RAB10: variants seen among roughly 807,000 people sequenced by gnomAD.
RAB10 encodes RAB10, member RAS oncogene family.
RAB10 carries 5 observed loss-of-function variants against 25.7 expected under a neutral mutation model. The observed-to-expected ratio is 0.19, with a 90% CI of 0.10 to 0.41. RAB10 has a LOEUF of 0.41. RAB10 is among the 10% of genes least tolerant of loss of function. RAB10 has a pLI of 1.00. For missense variants in RAB10, 103 were observed against 245.8 expected, an observed-to-expected ratio of 0.42 and a Z score of 3.89; for synonymous variants, 89 against 86.4, an observed-to-expected ratio of 1.03 and a Z score of -0.16.
At chr2:26,112,606 A>G (rs567338415) in intron 3 of RAB10, among the ~76,000 whole-genome samples, 2 of 152,270 alleles carry the variant, frequency 1.3e-5, no homozygotes, top group South Asian at 4.1e-4. Context: ...CCAGGTATCA[A>G]AAAGGAAAAT....
chr2:26,115,945 C>T (rs371530498), intron 3 of RAB10, among the ~76,000 whole-genome samples: 4 of 151,146 alleles, frequency 2.6e-5, no homozygotes, highest in African/African-American at 9.7e-5. Flanking sequence ...CTGCAGTCTC[C>T]GCCTCCCTGG....
chr2:26,044,120 A>T (rs1665945820), intron 1 of RAB10, among the ~76,000 whole-genome samples: 1 of 152,202 alleles, frequency 6.6e-6, no homozygotes, highest in Non-Finnish European at 1.5e-5. Flanking sequence ...ACACATTAAA[A>T]ATGGTTAAGA....
chr2:26,043,084 A>T (rs1274644574), intron 1 of RAB10, among the ~76,000 whole-genome samples: 1 of 152,326 alleles, frequency 6.6e-6, no homozygotes, highest in South Asian at 2.1e-4. Context: ...AAATTACCAT[A>T]TGATCTAGTG....
intron 1 of RAB10, 150 bp downstream of exon 1, chr2:26,034,885 GC>G: frequency 8.3e-7 from 1 of 1,208,552 alleles, no homozygotes; most frequent in Admixed American, 2.2e-5. Context: ...TCGGCATCGA[GC>G]TTACTGGGGC....
At chr2:26,112,013 A>ACT (rs1394009621) in intron 3 of RAB10, among the ~76,000 whole-genome samples, 14 of 152,166 alleles carry the variant, frequency 9.2e-5, no homozygotes, top group Non-Finnish European at 2.1e-4. Flanking sequence ...AAAATGCTAT[A>ACT]CTTGGGATTA....
chr2:26,095,601 C>T (rs369096950), intron 1 of RAB10, among the ~76,000 whole-genome samples: 13 of 149,704 alleles, frequency 8.7e-5, no homozygotes, highest in Admixed American at 6.7e-4. Context: ...AGCGAGACTC[C>T]GTCTCAAAAA....
At chr2:26,095,534 G>C (rs901856416) in intron 1 of RAB10, among the ~76,000 whole-genome samples, 6 of 152,038 alleles carry the variant, frequency 3.9e-5, no homozygotes, top group Non-Finnish European at 7.4e-5. Context: ...ATGAACCCGG[G>C]AGGCGGAGCT....
rs1665923562 is a variant in RAB10 at position 26,042,950 on chromosome 2, AAAC to A, written c.127+8216_127+8218del. Among the ~76,000 whole-genome samples, 3 of 152,234 alleles carry A rather than the reference AAAC, an allele frequency of 2.0e-5. No homozygotes were observed. In the East Asian group the frequency reaches 5.8e-4, roughly 29 times the overall value. Reference sequence around the variant, plus strand: ...TTAGGATAGTTATAACAACAACAACAAACGACAAAAGCAAGTGATGAGGTTGTA... The same window carrying A: ...TTAGGATAGTTATAACAACAACAACAGACAAAAGCAAGTGATGAGGTTGTA... On this transcript the variant is annotated intron_variant, in intron 1 of 5. Transcript: ENST00000264710.
At position 26,116,955 on chromosome 2, in the gene RAB10, C is replaced by A. The variant is rs535167706; in HGVS notation, c.327+7049C>A. On this transcript the variant is annotated intron_variant, in intron 3 of 5. Transcript: ENST00000264710. ...GAGTTAGCTGGACTTCAGGCATGTG[C>A]CACTGTGCCACTCTTTGTATTTCTT... is the stretch of plus-strand genomic sequence containing the variant. Among the ~76,000 whole-genome samples the A allele has an allele frequency of 2.0e-5, 3 of 151,628 alleles. No individual in the cohort carries two copies. In the South Asian group the frequency reaches 6.2e-4, roughly 31 times the overall value.
intron 1 of RAB10, among the ~76,000 whole-genome samples, chr2:26,080,300 A>C (rs1666839116): frequency 6.6e-6 from 1 of 152,264 alleles, no homozygotes; most frequent in Admixed American, 6.5e-5. Flanking sequence ...AACTGTAAAA[A>C]GAATGAGAGA....
At chr2:26,056,091 A>G (rs575322414) in intron 1 of RAB10, among the ~76,000 whole-genome samples, 9 of 151,776 alleles carry the variant, frequency 5.9e-5, no homozygotes, top group African/African-American at 2.2e-4. Context: ...AGATCTCTCT[A>G]TGTTGTCTAG....
intron 1 of RAB10, among the ~76,000 whole-genome samples, chr2:26,087,153 C>T (rs982064337): frequency 6.6e-6 from 1 of 151,980 alleles, no homozygotes; most frequent in African/African-American, 2.4e-5. Context: ...TAAAAATGAA[C>T]AGAACTTAGT....
At chr2:26,086,960 A>T (rs576153402) in intron 1 of RAB10, among the ~76,000 whole-genome samples, 11 of 152,136 alleles carry the variant, frequency 7.2e-5, no homozygotes, top group Non-Finnish European at 1.3e-4. Context: ...GTTTCCAGGG[A>T]CTGGAGGGGA....
chr2:26,127,770 ATTAATAT>A, intron 4 of RAB10, 73 bp from the exon 5 acceptor site: 1 of 962,610 alleles, frequency 1.0e-6, no homozygotes, highest in East Asian at 2.4e-5. Flanking sequence ...TCAGAATAAG[ATTAATAT>A]TTAAGCTGTT....
intron 1 of RAB10, among the ~76,000 whole-genome samples, chr2:26,083,691 G>A (rs1173639624): frequency 6.6e-6 from 1 of 152,052 alleles, no homozygotes; most frequent in African/African-American, 2.4e-5. Context: ...CTAATTTTTT[G>A]TATCTTTAGT....
intron 1 of RAB10, 49 bp downstream of exon 1, chr2:26,034,784 T>A: frequency 6.2e-7 from 1 of 1,605,914 alleles, no homozygotes; most frequent in Non-Finnish European, 8.5e-7. Flanking sequence ...TGCATACCGT[T>A]TATTTTACTC....
At chr2:26,117,734 A>G (rs2149286620) in intron 3 of RAB10, among the ~76,000 whole-genome samples, 1 of 152,292 alleles carries the variant, frequency 6.6e-6, no homozygotes, top group South Asian at 2.1e-4. Flanking sequence ...AGCGACTTTA[A>G]ACTGAGACCT....
chr2:26,124,555 C>G (rs754416341), intron 3 of RAB10, among the ~76,000 whole-genome samples: 1 of 151,504 alleles, frequency 6.6e-6, no homozygotes, highest in Non-Finnish European at 1.5e-5. Flanking sequence ...CATGAGCCCC[C>G]GTGCTCAGCC....
chr2:26,107,946 A>G (rs529398588), intron 2 of RAB10, among the ~76,000 whole-genome samples: 2 of 152,314 alleles, frequency 1.3e-5, no homozygotes, highest in Admixed American at 1.3e-4. Flanking sequence ...AATACAGATT[A>G]ATGTGATGAT....
Sources: gnomAD v4.1 joint callset for allele counts (sites outside exome capture counted in the v4.1 genomes callset) on GRCh38, gnomAD v4.1.1 for gene constraint, MANE v1.5 for transcripts, NCBI Gene and HGNC (gene_info 2026-07-23, HGNC 2026-07-21) for gene names.